Variants in EIF2A observed in about 807,000 individuals in gnomAD.
The protein encoded by EIF2A is eukaryotic translation initiation factor 2A.
In EIF2A, 62 loss-of-function variants were observed where a neutral mutation model predicts 75.2. The ratio of observed to expected loss-of-function variants is 0.82; its 90% confidence interval spans 0.67 to 1.02. EIF2A has a LOEUF of 1.02. Ranked by LOEUF, EIF2A falls within the 50% of genes least tolerant of loss-of-function variation. EIF2A has a pLI of 0.00. For missense variants in EIF2A, 611 were observed against 677.7 expected, an observed-to-expected ratio of 0.90 and a Z score of 1.09; for synonymous variants, 207 against 239.0, an observed-to-expected ratio of 0.87 and a Z score of 1.23.
Position 150,558,458 on chromosome 3 carries a change from GAA to G in EIF2A, c.172_173del (p.Lys58SerfsTer8). 6.7e-7 allele frequency: 1 copy of G among 1,502,444 alleles called. No homozygotes were observed. 93.1% of individuals were successfully genotyped at this position (1,502,444 alleles called of 1,614,324 possible). ...DGTLFAWGNG[E>X]KVNIISVTNK... is the part of the protein sequence containing the mutation. Reference sequence around the variant, plus strand: ...GACCTTGTTTGCCTGGGGCAATGGAGAAAAGTTAGTGTTCATTTACATAACAT... The same window carrying G: ...GACCTTGTTTGCCTGGGGCAATGGAGAAGTTAGTGTTCATTTACATAACAT... On this transcript the variant is annotated frameshift_variant and splice_region_variant, in exon 3 of 14. Coordinates refer to ENST00000460851, the MANE Select transcript of EIF2A (RefSeq NM_032025.5). LOFTEE classifies it high-confidence loss of function.
intron 10 of EIF2A, among the ~76,000 whole-genome samples, chr3:150,574,318 G>A (rs567723595): frequency 3.2e-4 from 48 of 152,124 alleles, no homozygotes; most frequent in South Asian, 4.2e-4. Context: ...GATTTTTTTC[G>A]TCTCAAGTGA....
At chr3:150,572,855 C>CA (rs774758560) in intron 10 of EIF2A, among the ~76,000 whole-genome samples, 41,508 of 101,640 alleles carry the variant, frequency 0.41, 6,899 homozygotes, top group East Asian at 0.54. Flanking sequence ...GACTCCGTCT[C>CA]AAAAAAAAAA....
chr3:150,561,611 AT>A (rs917046658), intron 3 of EIF2A, among the ~76,000 whole-genome samples: 14 of 151,590 alleles, frequency 9.2e-5, no homozygotes, highest in Non-Finnish European at 2.1e-4. Context: ...TACTTTTGCC[AT>A]TTTCTCTAGC....
Position 150,575,665 on chromosome 3 carries a change from C to T in EIF2A, c.1400C>T (p.Pro467Leu), listed in dbSNP as rs770437077. Residue 467 changes from proline (P) to leucine (L), a missense_variant, in exon 11 of 14, where the codon CCT becomes CTT. Pro to Leu is a moderately conservative substitution (Grantham distance 98). Transcript: ENST00000460851. ...TNSKLHEEEP[P>L]QNMKPQSGND... The stretch of plus-strand genomic sequence containing the variant: ...TTTCCATAGCATGAAGAGGAACCAC[C>T]TCAGAATATGAAACCACAATCAGGA... 5 of 1,610,708 alleles carry T rather than the reference C, an allele frequency of 3.1e-6. No homozygotes were observed. In the South Asian group the frequency reaches 4.4e-5, roughly 14 times the overall value.
intron 6 of EIF2A, chr3:150,566,616 A>G (rs919287303): frequency 3.2e-4 from 49 of 152,150 alleles, no homozygotes; most frequent in Admixed American, 2.6e-3. Context: ...TTTAACTTCT[A>G]TCTTATTTGT....
intron 6 of EIF2A, chr3:150,565,002 G>A: frequency 3.4e-6 from 1 of 292,226 alleles, no homozygotes; most frequent in Non-Finnish European, 6.8e-6. Flanking sequence ...GCACATTGTG[G>A]TTGATTGATA....
chr3:150,578,612 A>G (rs1003537916), intron 11 of EIF2A, among the ~76,000 whole-genome samples: 4 of 152,096 alleles, frequency 2.6e-5, no homozygotes, highest in African/African-American at 9.7e-5. Context: ...CACGTTTTTT[A>G]CTAAAGATGA....
At chr3:150,563,365 T>G in intron 4 of EIF2A, 150 bp from the exon 5 acceptor site, 6 of 534,998 alleles carry the variant, frequency 1.1e-5, no homozygotes, top group Middle Eastern at 1.1e-3. Context: ...AACCTTTCAT[T>G]TATTTATTTA....
intron 3 of EIF2A, among the ~76,000 whole-genome samples, chr3:150,561,865 A>ACTG (rs1723884692): frequency 6.7e-6 from 1 of 149,278 alleles, no homozygotes; most frequent in Non-Finnish European, 1.5e-5. Flanking sequence ...ATCTCAGCCC[A>ACTG]CTGCAGCCTC....
chr3:150,562,705 C>A lies in EIF2A; in HGVS notation c.292+45C>A, dbSNP rs771012666. 1.5e-5 allele frequency: 21 copies of A among 1,431,528 alleles called. No individual in the cohort carries two copies. The South Asian group carries it at 2.2e-4, about 15-fold the overall frequency. The allele number at this position is 1,431,528 out of a possible 1,614,324, so 88.7% of individuals were successfully genotyped here. A position where few individuals can be genotyped will look rare whatever the true frequency, so the allele number is the denominator to read the frequency against. ...AAAAATACTCTGACACGATCAATTA[C>A]GTTTAGTGGGGGGGAAAAAGTTATA... On this transcript the variant is annotated intron_variant, in intron 4 of 13. Transcript: ENST00000460851.
intron 3 of EIF2A, among the ~76,000 whole-genome samples, chr3:150,559,307 AAGT>A (rs1723727868): frequency 6.6e-6 from 1 of 152,196 alleles, no homozygotes; most frequent in Non-Finnish European, 1.5e-5. Context: ...TTATGACTAT[AAGT>A]AGCTGGCAGA....
intron 1 of EIF2A, among the ~76,000 whole-genome samples, chr3:150,548,891 G>A (rs780557531): frequency 2.6e-5 from 4 of 152,176 alleles, no homozygotes; most frequent in Non-Finnish European, 5.9e-5. Context: ...TACTTATTCA[G>A]ATTGTTCAAC....
chr3:150,567,913 T>C lies in EIF2A; in HGVS notation c.561T>C (p.Tyr187=), dbSNP rs748081593. ...TCTATGTATCTTAGGTGGCTGTCTA[T>C]GTTCCAGGAAGTAAAGGTGCACCTT... is the stretch of plus-strand genomic sequence containing the variant. The part of the protein sequence containing the change: ...PGPQPYKVAV[Y]VPGSKGAPSF... The change falls in exon 8 of 14, where the codon TAT becomes TAC. Residue 187 remains tyrosine, a synonymous_variant. Transcript: ENST00000460851. 5 of 1,605,374 alleles carry C rather than the reference T, an allele frequency of 3.1e-6. No individual in the cohort carries two copies. The African/African-American group carries it at 5.4e-5, about 17-fold the overall frequency.
chr3:150,557,655 T>A, intron 2 of EIF2A: 1 of 360,190 alleles, frequency 2.8e-6, no homozygotes. Context: ...TGCCTCGGCC[T>A]CCCAAACTGC....
Position 150,547,057 on chromosome 3 carries a change from C to T in EIF2A, c.28+227C>T, listed in dbSNP as rs998860982. On this transcript the variant is annotated intron_variant, in intron 1 of 13. Coordinates refer to ENST00000460851, the MANE Select transcript of EIF2A (RefSeq NM_032025.5). Reference sequence around the variant, plus strand: ...CCCTTTCACCCATCCATCATTCTTGCCTGCGGATTCATCTTCTACAGAAAT... The same window carrying T: ...CCCTTTCACCCATCCATCATTCTTGTCTGCGGATTCATCTTCTACAGAAAT... The T allele has an allele frequency of 4.3e-5, 25 of 583,258 alleles. No homozygotes were observed. In the African/African-American group the frequency reaches 4.5e-4, roughly 10 times the overall value. The allele number at this position is 583,258 out of a possible 1,614,324, so 36.1% of individuals were successfully genotyped here. A position where few individuals can be genotyped will look rare whatever the true frequency, so the allele number is the denominator to read the frequency against.
rs1360500117 is a variant in EIF2A, at chr3:150,581,623, A to G, written c.1503A>G (p.Ala501=). Residue 501 remains alanine, a synonymous_variant, in exon 12 of 14, where the codon GCA becomes GCG. Transcript: ENST00000460851. ...TAAAAAAATATTTCCTGCAGGAAGC[A>G]AGAAGTGACAAGAGTCCAGATTTGG... is the stretch of plus-strand genomic sequence containing the variant. ...HEAKKAAKQE[A]RSDKSPDLAP... The G allele has an allele frequency of 1.3e-6, 2 of 1,550,814 alleles. No homozygotes were observed. Among genetic ancestry groups the G allele is most frequent in the Admixed American group, 3.9e-5 (2 of 50,772 alleles).
At chr3:150,553,752 A>G (rs1399259633) in intron 2 of EIF2A, among the ~76,000 whole-genome samples, 1 of 152,182 alleles carries the variant, frequency 6.6e-6, no homozygotes, top group Non-Finnish European at 1.5e-5. Flanking sequence ...TTGTCATTTG[A>G]ATCTACTATA....
chr3:150,555,140 G>GCTGCTC, intron 2 of EIF2A, among the ~76,000 whole-genome samples: 1 of 152,036 alleles, frequency 6.6e-6, no homozygotes, highest in East Asian at 1.9e-4. Flanking sequence ...TGTTGCCCAG[G>GCTGCTC]CTGCTCTCCA....
At chr3:150,565,014 A>G in intron 6 of EIF2A, 1 of 311,328 alleles carries the variant, frequency 3.2e-6, no homozygotes, top group Non-Finnish European at 6.4e-6. Context: ...TGATTGATAT[A>G]TCTTTTATGT....
Sources: gnomAD v4.1 joint callset for allele counts (sites outside exome capture counted in the v4.1 genomes callset) on GRCh38, gnomAD v4.1.1 for gene constraint, MANE v1.5 for transcripts, NCBI Gene and HGNC (gene_info 2026-07-23, HGNC 2026-07-21) for gene names.